Variants in CSPG4 observed in about 807,000 individuals in gnomAD.
CSPG4 encodes chondroitin sulfate proteoglycan 4, also known as chondroitin sulfate proteoglycan 4 (melanoma-associated).
A neutral mutation model predicts 139.3 loss-of-function variants in CSPG4; 74 were observed. The ratio of observed to expected loss-of-function variants is 0.53; its 90% CI spans 0.44 to 0.64. CSPG4 has a LOEUF of 0.64. CSPG4 is among the 30% of genes least tolerant of loss of function. CSPG4 has a pLI of 0.00. For synonymous variants in CSPG4, 1,234 were observed against 1,394.2 expected, an observed-to-expected ratio of 0.89 and a Z score of 2.56; for missense variants, 2,565 against 3,148.3, an observed-to-expected ratio of 0.81 and a Z score of 4.43.
chr15:75,682,487 T>C (rs778806458), intron 7 of CSPG4, 28 bp from the exon 8 acceptor site: 24 of 1,571,050 alleles, frequency 1.5e-5, no homozygotes, highest in Middle Eastern at 1.9e-4. Flanking sequence ...GGATATCAGA[T>C]TTTGACTGGG....
chr15:75,699,993 G>A (rs1247729615), intron 1 of CSPG4, among the ~76,000 whole-genome samples: 7 of 152,154 alleles, frequency 4.6e-5, no homozygotes, highest in Non-Finnish European at 8.8e-5. Context: ...GAAGAGTGAA[G>A]GACCCTCACT....
rs1894143068 is a variant in CSPG4 at position 75,690,215 on chromosome 15, G to A, written c.850C>T (p.Pro284Ser). ...TTGATGTGGACACTGACCTCATGGG[G>A]CTGCCCATCGGCCACAGGCACACTG... ...HNSVPVADGQ[P>S]HEVSVHINAH... The change falls in exon 3 of 10, where the codon CCC becomes TCC. Residue 284 changes from proline to serine, a missense_variant. Pro to Ser is a moderately conservative substitution (Grantham distance 74). This residue lies in a region of CSPG4 where 2,316 missense variants were observed against 2,818.2 expected (regional missense o/e 0.82). Transcript: ENST00000308508. The A allele has an allele frequency of 6.2e-7, 1 of 1,613,386 alleles. No individual in the cohort carries two copies.
intron 5 of CSPG4, among the ~76,000 whole-genome samples, chr15:75,684,268 C>A (rs1219422070): frequency 3.9e-5 from 6 of 152,272 alleles, no homozygotes. Flanking sequence ...GGGGCCCTTA[C>A]CTCTGCCTGA....
At chr15:75,701,096 C>T (rs1894295774) in intron 1 of CSPG4, among the ~76,000 whole-genome samples, 1 of 152,202 alleles carries the variant, frequency 6.6e-6, no homozygotes, top group Admixed American at 6.5e-5. Flanking sequence ...CATCTGGCCT[C>T]TGACCAGCCC....
In CSPG4 at chr15:75,676,253, G is replaced by A; in HGVS notation, c.6266C>T (p.Pro2089Leu). The change falls in exon 10 of 10, where the codon CCC becomes CTC. Residue 2089 changes from proline (P) to leucine (L), a missense_variant. Around this residue, in one of 5 missense-constraint regions of CSPG4, gnomAD observed 2,316 missense variants for 2,818.2 expected, o/e 0.82. Transcript: ENST00000308508. Reference protein sequence around the residue: ...SVPRFRLLEGPRHGRVVRVPR... With the variant: ...SVPRFRLLEGLRHGRVVRVPR... ...CACGCGGACCACGCGGCCATGCCGG[G>A]GTCCCTCCAGGAGGCGGAAGCGCGG... 2 of 1,564,166 alleles carry A rather than the reference G, an allele frequency of 1.3e-6. No individual in the cohort carries two copies. Among genetic ancestry groups the A allele is most frequent in the Non-Finnish European group, 1.7e-6 (2 of 1,161,162 alleles).
Position 75,687,584 on chromosome 15 carries a change from C to T in CSPG4, c.3481G>A (p.Gly1161Arg). Reference sequence around the variant, plus strand: ...GTGACGTGGTAGTGGACCTCATCCCCACTGCGGATGTCGAGGTTGGTGTCC... The same window carrying T: ...GTGACGTGGTAGTGGACCTCATCCCTACTGCGGATGTCGAGGTTGGTGTCC... The part of the protein sequence containing the change: ...HLDTNLDIRS[G>R]DEVHYHVTAG... Residue 1161 changes from glycine (G) to arginine (R), a missense_variant, in exon 3 of 10, where the codon GGG becomes AGG. Gly to Arg is a moderately radical substitution (Grantham distance 125). This residue lies in a region of CSPG4 where 2,316 missense variants were observed against 2,818.2 expected (regional missense o/e 0.82). Transcript: ENST00000308508. This position sits in a 1 kb window ranked among gnomAD's most constrained non-coding sequence, Gnocchi z 5.4. The T allele has an allele frequency of 6.2e-7, 1 of 1,610,756 alleles. No homozygotes were observed. Among genetic ancestry groups the T allele is most frequent in the Non-Finnish European group, 8.5e-7 (1 of 1,178,508 alleles).
At chr15:75,705,450 C>T (rs1894357768) in intron 1 of CSPG4, among the ~76,000 whole-genome samples, 1 of 152,246 alleles carries the variant, frequency 6.6e-6, no homozygotes, top group Non-Finnish European at 1.5e-5. Flanking sequence ...AGAGTGACTG[C>T]AGCTTCAGGA....
intron 1 of CSPG4, among the ~76,000 whole-genome samples, chr15:75,701,544 G>C (rs1056613842): frequency 1.3e-5 from 2 of 152,124 alleles, no homozygotes; most frequent in Non-Finnish European, 2.9e-5. Flanking sequence ...TTCCTGCCTA[G>C]CACCCCCACC....
intron 5 of CSPG4, among the ~76,000 whole-genome samples, chr15:75,684,339 G>A (rs1198580349): frequency 1.3e-5 from 2 of 152,234 alleles, no homozygotes; most frequent in Non-Finnish European, 2.9e-5. Flanking sequence ...CCTTGTGCAG[G>A]AGTTTGGGGA....
Position 75,689,198 on chromosome 15 carries a change from C to T in CSPG4, c.1867G>A (p.Ala623Thr), listed in dbSNP as rs746437874. The change falls in exon 3 of 10, where the codon GCC (alanine) becomes ACC (threonine). Residue 623 changes from alanine to threonine, a missense_variant. Ala to Thr is a moderately conservative substitution (Grantham distance 58). Around this residue, in one of 5 missense-constraint regions of CSPG4, gnomAD observed 2,316 missense variants for 2,818.2 expected, o/e 0.82. Coordinates refer to ENST00000308508, the MANE Select transcript of CSPG4 (RefSeq NM_001897.5). The part of the protein sequence containing the change: ...ATEFSCRELE[A>T]GSLVYVHRGG... ...CGGTGGACATAGACTAGGCTGCCGG[C>T]CTCCAACTCCCGGCAGGAGAACTCG... 2 of 1,607,520 alleles carry T rather than the reference C, an allele frequency of 1.2e-6. No individual in the cohort carries two copies. The highest frequency in any genetic ancestry group is 1.1e-5 in the South Asian group (1 of 90,708).
chr15:75,677,969 C>T (rs1893917785), intron 8 of CSPG4, 83 bp from the exon 9 acceptor site: 1 of 1,331,876 alleles, frequency 7.5e-7, no homozygotes, highest in Non-Finnish European at 1.0e-6. Context: ...CCTCAGGCCC[C>T]ACTCTGGGCT....
chr15:75,679,148 G>A lies in CSPG4; in HGVS notation c.4951-1262C>T, dbSNP rs1893935737. On this transcript the variant is annotated intron_variant, in intron 8 of 9. Coordinates refer to ENST00000308508, the MANE Select transcript of CSPG4 (RefSeq NM_001897.5). ...CTAGCCTGCTCTCCCCTGAACCCCA[G>A]ACTCATGTTTCCAGCTACCTCTGCC... 1.6e-5 allele frequency: 3 copies of A among 185,144 alleles called. No individual in the cohort carries two copies. In the South Asian group the frequency reaches 3.2e-4, roughly 20 times the overall value. 11.5% of individuals were successfully genotyped at this position (185,144 alleles called of 1,614,324 possible).
In CSPG4 at chr15:75,685,225, C is replaced by T; in HGVS notation, c.4266G>A (p.Trp1422Ter). Reference sequence around the variant, plus strand: ...GCCTCTCTCACAGCCATACCATTCTCCAGGAGAAGGCGCTGAGGGTCCTGG... The same window carrying T: ...GCCTCTCTCACAGCCATACCATTCTTCAGGAGAAGGCGCTGAGGGTCCTGG... ...PQARTLSAFS[W>*]RMVEEQLIRY... Residue 1422 changes from tryptophan to a stop codon, truncating the protein, a stop_gained, in exon 4 of 10, where the codon TGG becomes TGA. Coordinates refer to ENST00000308508, the MANE Select transcript of CSPG4 (RefSeq NM_001897.5). LOFTEE classifies it high-confidence loss of function. The T allele has an allele frequency of 6.6e-7, 1 of 1,518,310 alleles. No individual in the cohort carries two copies. The highest frequency in any genetic ancestry group is 8.8e-7 in the Non-Finnish European group (1 of 1,134,446). The allele number at this position is 1,518,310 out of a possible 1,614,324, so 94.1% of individuals were successfully genotyped here. A position where few individuals can be genotyped will look rare whatever the true frequency, so the allele number is the denominator to read the frequency against.
Position 75,698,256 on chromosome 15 carries a change from T to G in CSPG4, c.89-5023A>C, listed in dbSNP as rs919169079. Among the ~76,000 whole-genome samples the G allele has an allele frequency of 2.0e-5, 3 of 150,420 alleles. No homozygotes were observed. Among genetic ancestry groups the G allele is most frequent in the African/African-American group, 7.4e-5 (3 of 40,628 alleles). ...AGTCTGAGGGGGCTGTGGGATGGGG[T>G]ATTCTGGGAGGGCCAAGGCCGGGAT... is the stretch of plus-strand genomic sequence containing the variant. On this transcript the variant is annotated intron_variant, in intron 1 of 9. Coordinates refer to ENST00000308508, the MANE Select transcript of CSPG4 (RefSeq NM_001897.5). This position sits in a 1 kb window ranked among gnomAD's most constrained non-coding sequence, Gnocchi z 4.3.
chr15:75,677,498 T>C (rs933650263), intron 9 of CSPG4, 114 bp from the exon 10 acceptor site: 14 of 1,258,906 alleles, frequency 1.1e-5, no homozygotes, highest in Non-Finnish European at 1.5e-5. Context: ...TCAAGCCAGG[T>C]CCTCCAGGGT....
Position 75,685,729 on chromosome 15 carries a change from C to T in CSPG4, c.3790-28G>A, listed in dbSNP as rs758363995. Reference sequence around the variant, plus strand: ...GGTTAACAGAGGTCACAAGGACTCACAGGGGGCCACAGAGGGGGTCTCAGA... The same window carrying T: ...GGTTAACAGAGGTCACAAGGACTCATAGGGGGCCACAGAGGGGGTCTCAGA... On this transcript the variant is annotated intron_variant, in intron 3 of 9. Transcript: ENST00000308508. 6 of 1,559,126 alleles carry T rather than the reference C, an allele frequency of 3.8e-6. No homozygotes were observed. In the East Asian group the frequency reaches 1.3e-4, roughly 35 times the overall value.
Position 75,686,113 on chromosome 15 carries a change from A to G in CSPG4, c.3790-412T>C, listed in dbSNP as rs373195689. Reference sequence around the variant, plus strand: ...CTGGGTTGCCCCGGCTGCTGGTCACATGTTAATGCCCACCCCACACACGGT... The same window carrying G: ...CTGGGTTGCCCCGGCTGCTGGTCACGTGTTAATGCCCACCCCACACACGGT... On this transcript the variant is annotated intron_variant, in intron 3 of 9. Transcript: ENST00000308508. Among the ~76,000 whole-genome samples the G allele has an allele frequency of 6.2e-4, 94 of 151,642 alleles. 1 individual carries two copies. The highest frequency in any genetic ancestry group is 5.3e-3 in the South Asian group (25 of 4,760).
At chr15:75,699,241 C>A (rs754725876) in intron 1 of CSPG4, among the ~76,000 whole-genome samples, 3 of 152,242 alleles carry the variant, frequency 2.0e-5, no homozygotes, top group Non-Finnish European at 4.4e-5. Flanking sequence ...ACTGCCTCCA[C>A]GTCTAAATGC....
chr15:75,702,504 G>A (rs1894318759), intron 1 of CSPG4, among the ~76,000 whole-genome samples: 3 of 152,240 alleles, frequency 2.0e-5, no homozygotes, highest in African/African-American at 7.2e-5. Flanking sequence ...TTGGGGACAG[G>A]ACGTGGGAGG....
Sources: gnomAD v4.1 joint callset for allele counts (sites outside exome capture counted in the v4.1 genomes callset) on GRCh38, gnomAD v4.1.1 for gene constraint, gnomAD v4.1.1 regional missense constraint, Gnocchi (gnomAD v3.1) non-coding constraint, MANE v1.5 for transcripts, NCBI Gene and HGNC (gene_info 2026-07-23, HGNC 2026-07-21) for gene names.